MTMR9: variants seen among roughly 807,000 people sequenced by gnomAD.
MTMR9 encodes the protein myotubularin-related protein 9.
Under a neutral mutation model 69.5 loss-of-function variants are expected in MTMR9, and 39 were observed. The observed-to-expected ratio is 0.56, with a 90% CI of 0.43 to 0.73. MTMR9 has a LOEUF of 0.73. Among genes scored for constraint, MTMR9 ranks in the 30% least tolerant of loss-of-function variants. The pLI is 0.00. For missense variants in MTMR9, 900 were observed against 671.2 expected (o/e 1.34, Z -3.77); for synonymous variants, 354 against 240.8 (o/e 1.47, Z -4.35).
At chr8:11,304,091 A>C (rs573364867) in intron 3 of MTMR9, among the ~76,000 whole-genome samples, 3 of 151,994 alleles carry the variant, frequency 2.0e-5, no homozygotes, top group Non-Finnish European at 4.4e-5. Flanking sequence ...GACAGTGTTC[A>C]AGCTGTTTTT....
At chr8:11,298,279 G>C (rs1234954460) in intron 2 of MTMR9, among the ~76,000 whole-genome samples, 1 of 152,102 alleles carries the variant, frequency 6.6e-6, no homozygotes, top group Non-Finnish European at 1.5e-5. Flanking sequence ...AAATAATGGT[G>C]GTTCTGATTG....
downstream of MTMR9, chr8:11,331,019 A>G: frequency 6.6e-7 from 1 of 1,506,564 alleles, no homozygotes. Context: ...GAAGAACCCC[A>G]CCCGCACTCC....
At chr8:11,311,230 G>T (rs942415553) in intron 6 of MTMR9, among the ~76,000 whole-genome samples, 1 of 152,030 alleles carries the variant, frequency 6.6e-6, no homozygotes, top group Non-Finnish European at 1.5e-5. Context: ...GTGACTTCAG[G>T]GAATCTGTTA....
At chr8:11,308,340 T>C (rs746839343) in intron 5 of MTMR9, among the ~76,000 whole-genome samples, 6 of 152,232 alleles carry the variant, frequency 3.9e-5, no homozygotes, top group Non-Finnish European at 8.8e-5. Context: ...AACATCAATT[T>C]ACCATAAATG....
chr8:11,317,129 C>G (rs1800452377), intron 8 of MTMR9: 1 of 314,264 alleles, frequency 3.2e-6, no homozygotes, highest in African/African-American at 2.1e-5. Context: ...AAGGGGCAAC[C>G]ATTTTAAATG....
intron 6 of MTMR9, 116 bp downstream of exon 6, chr8:11,309,804 C>A: frequency 1.9e-6 from 2 of 1,027,846 alleles, no homozygotes; most frequent in Non-Finnish European, 1.4e-6. Flanking sequence ...ACTGTGTAGG[C>A]TAGTCAACAC....
intron 1 of MTMR9, among the ~76,000 whole-genome samples, chr8:11,293,927 T>G (rs2117367114): frequency 6.6e-6 from 1 of 152,364 alleles, no homozygotes; most frequent in East Asian, 1.9e-4. Flanking sequence ...ATTTTCACAC[T>G]GTCTTAATTA....
chr8:11,327,632 A>G lies in MTMR9; in HGVS notation c.*4844A>G, dbSNP rs538707290. 7.9e-5 allele frequency: 12 copies of G among 152,794 alleles called. No homozygotes were observed. The highest frequency in any genetic ancestry group is 2.1e-4 in the South Asian group (1 of 4,834). 9.5% of individuals were successfully genotyped at this position (152,794 alleles called of 1,614,324 possible). ...AAAACAAAGAATGTGTATTTCTTCA[A>G]TAGCCGGGTATTTGGATTGTTCTCT... is the stretch of plus-strand genomic sequence containing the variant. On this transcript the variant is annotated 3_prime_UTR_variant, in exon 10 of 10. Coordinates refer to ENST00000221086, the MANE Select transcript of MTMR9 (RefSeq NM_015458.4).
At chr8:11,302,858 T>A (rs919014536) in intron 3 of MTMR9, among the ~76,000 whole-genome samples, 9 of 152,088 alleles carry the variant, frequency 5.9e-5, no homozygotes, top group Admixed American at 1.3e-4. Context: ...TTTGAAGAGA[T>A]GCAGTTAAAA....
At chr8:11,321,660 A>G in intron 9 of MTMR9, 1 of 327,360 alleles carries the variant, frequency 3.1e-6, no homozygotes, top group Non-Finnish European at 6.1e-6. Context: ...TATATTGAAT[A>G]AGACTGCTCT....
At chr8:11,295,675 A>G (rs1284936334) in intron 2 of MTMR9, among the ~76,000 whole-genome samples, 1 of 152,192 alleles carries the variant, frequency 6.6e-6, no homozygotes, top group Non-Finnish European at 1.5e-5. Context: ...CTTGGGAGAA[A>G]TTTTAAAGTT....
At chr8:11,313,870 C>G (rs769824772) in intron 6 of MTMR9, among the ~76,000 whole-genome samples, 1 of 152,136 alleles carries the variant, frequency 6.6e-6, no homozygotes, top group Non-Finnish European at 1.5e-5. Flanking sequence ...TAAAATGAGA[C>G]AGAGACACAA....
At chr8:11,303,984 C>T (rs1389096328) in intron 3 of MTMR9, among the ~76,000 whole-genome samples, 1 of 152,064 alleles carries the variant, frequency 6.6e-6, no homozygotes, top group South Asian at 2.1e-4. Context: ...GCTTTATCTT[C>T]CTGCTATTGT....
intron 9 of MTMR9, chr8:11,320,602 G>A (rs1800638284): frequency 6.6e-6 from 1 of 152,172 alleles, no homozygotes; most frequent in Admixed American, 6.5e-5. Context: ...ATTTGGTGGT[G>A]CGGGTCTGTA....
chr8:11,303,949 G>T (rs745781566), intron 3 of MTMR9, among the ~76,000 whole-genome samples: 41 of 152,086 alleles, frequency 2.7e-4, no homozygotes, highest in Non-Finnish European at 2.6e-4. Context: ...AATCTTGTCT[G>T]TTAGTACGTC....
At chr8:11,310,121 C>T (rs754065698) in intron 6 of MTMR9, among the ~76,000 whole-genome samples, 3 of 152,170 alleles carry the variant, frequency 2.0e-5, no homozygotes, top group Non-Finnish European at 4.4e-5. Context: ...CCTTTCTAAC[C>T]TCCGGGATAT....
At chr8:11,315,099 T>A in intron 7 of MTMR9, 35 bp downstream of exon 7, 1 of 1,599,816 alleles carries the variant, frequency 6.3e-7, no homozygotes, top group Non-Finnish European at 8.6e-7. Flanking sequence ...GAGGAACTGC[T>A]TATTGATGCT....
intron 4 of MTMR9, among the ~76,000 whole-genome samples, chr8:11,305,240 C>T (rs1363345394): frequency 2.6e-5 from 4 of 152,090 alleles, no homozygotes; most frequent in Non-Finnish European, 5.9e-5. Context: ...GTATAAAAGC[C>T]CTGATAGCTT....
chr8:11,315,546 A>C (rs1800381321), intron 7 of MTMR9, among the ~76,000 whole-genome samples: 1 of 152,236 alleles, frequency 6.6e-6, no homozygotes, highest in Admixed American at 6.5e-5. Flanking sequence ...ACAGGGATTG[A>C]TATCCTCCAC....
Sources: gnomAD v4.1 joint callset for allele counts (sites outside exome capture counted in the v4.1 genomes callset) on GRCh38, gnomAD v4.1.1 for gene constraint, MANE v1.5 for transcripts, NCBI Gene and HGNC (gene_info 2026-07-23, HGNC 2026-07-21) for gene names.